The following ANTXRL variants were observed in gnomAD, a reference collection of about 807,000 sequenced individuals.
The protein encoded by ANTXRL is ANTXR like.
A neutral mutation model predicts 75.4 loss-of-function variants in ANTXRL; 63 were observed. That is an observed-to-expected ratio of 0.84 (90% CI 0.68 to 1.03). The LOEUF (loss-of-function observed/expected upper bound fraction) is 1.03. Ranked by LOEUF, ANTXRL falls within the 50% of genes least tolerant of loss-of-function variation. The probability of loss-of-function intolerance (pLI) is 0.00; values close to 1 mark genes in which losing one functional copy is unlikely to be tolerated. For synonymous variants in ANTXRL, 335 were observed against 291.3 expected, an observed-to-expected ratio of 1.15 and a Z score of -1.53; for missense variants, 797 against 789.4, an observed-to-expected ratio of 1.01 and a Z score of -0.12.
chr10:46,294,039 C>T (rs1191128101), intron 3 of ANTXRL, 139 bp downstream of exon 3: 11 of 710,768 alleles, frequency 1.5e-5, no homozygotes, highest in Non-Finnish European at 2.3e-5. Flanking sequence ...ACTCACAGTA[C>T]CCACCTGACC....
intron 2 of ANTXRL, chr10:46,292,685 T>G (rs1313782559): frequency 4.4e-5 from 7 of 159,216 alleles, no homozygotes; most frequent in African/African-American, 9.6e-5. Flanking sequence ...CCACAGGGGC[T>G]CATTATGCCA....
At chr10:46,311,300 G>C (rs1195513852) in intron 14 of ANTXRL, among the ~76,000 whole-genome samples, 2 of 152,122 alleles carry the variant, frequency 1.3e-5, no homozygotes, top group African/African-American at 4.8e-5. Flanking sequence ...AGCCACGGGA[G>C]AACCAAGGGG....
intron 16 of ANTXRL, among the ~76,000 whole-genome samples, chr10:46,327,190 T>A (rs1428046065): frequency 6.6e-6 from 1 of 152,084 alleles, no homozygotes; most frequent in African/African-American, 2.4e-5. Flanking sequence ...GCTCTTCTAG[T>A]AGCTGGGCTG....
intron 12 of ANTXRL, among the ~76,000 whole-genome samples, chr10:46,307,976 G>C (rs571275818): frequency 6.6e-6 from 1 of 152,106 alleles, no homozygotes; most frequent in Non-Finnish European, 1.5e-5. Context: ...TCAGGCACTC[G>C]GACCCGAGCT....
intron 1 of ANTXRL, among the ~76,000 whole-genome samples, chr10:46,289,338 C>T (rs1288224579): frequency 6.6e-5 from 10 of 152,080 alleles, no homozygotes; most frequent in African/African-American, 2.2e-4. Context: ...AAAAATTTAC[C>T]ATTTTTAAGT....
intron 16 of ANTXRL, among the ~76,000 whole-genome samples, chr10:46,327,476 T>C (rs1177871179): frequency 2.0e-5 from 3 of 151,960 alleles, no homozygotes; most frequent in African/African-American, 4.8e-5. Context: ...GACAGGCAGC[T>C]GCAGACACAG....
chr10:46,315,629 T>C (rs2860590), intron 16 of ANTXRL, among the ~76,000 whole-genome samples: 1,954 of 151,918 alleles, frequency 0.013, 9 homozygotes, highest in Non-Finnish European at 0.014. Context: ...TTCCAAACTC[T>C]TCTTCCTGAC....
intron 16 of ANTXRL, among the ~76,000 whole-genome samples, chr10:46,316,420 A>G (rs139226437): frequency 5.4e-4 from 82 of 152,280 alleles, no homozygotes; most frequent in South Asian, 3.5e-3. Flanking sequence ...CCAGGGTCAC[A>G]CAGCCAGGAA....
intron 16 of ANTXRL, among the ~76,000 whole-genome samples, chr10:46,324,353 T>G (rs1839113929): frequency 6.6e-6 from 1 of 152,210 alleles, no homozygotes; most frequent in South Asian, 2.1e-4. Flanking sequence ...AGAGGTCTAT[T>G]ACCATGAACC....
intron 3 of ANTXRL, 116 bp from the exon 4 acceptor site, chr10:46,295,903 C>A: frequency 1.2e-6 from 1 of 839,382 alleles, no homozygotes; most frequent in Non-Finnish European, 1.9e-6. Context: ...CTTGCCTGGG[C>A]CCCTCCTTCA....
Position 46,309,305 on chromosome 10 carries a change from T to C in ANTXRL, c.1134+103T>C, listed in dbSNP as rs1334969134. The C allele has an allele frequency of 5.3e-6, 8 of 1,517,038 alleles. 1 individual carries two copies. Among genetic ancestry groups the C allele is most frequent in the Non-Finnish European group, 7.0e-6 (8 of 1,135,284 alleles). The allele number at this position is 1,517,038 out of a possible 1,614,324, so 94.0% of individuals were successfully genotyped here. On this transcript the variant is annotated intron_variant, in intron 13 of 16. Transcript: ENST00000620264. ...CCCCGTGATCCCGCCTGTGGGAAGT[T>C]TCCCTCAGCTCCCAGCTCATCACGT...
chr10:46,328,326 A>G (rs1291980088), intron 16 of ANTXRL, among the ~76,000 whole-genome samples: 2 of 152,144 alleles, frequency 1.3e-5, no homozygotes, highest in East Asian at 3.8e-4. Flanking sequence ...AAAGATTGTT[A>G]TCTAATTGCC....
intron 16 of ANTXRL, 51 bp from the exon 17 acceptor site, chr10:46,329,548 C>A: frequency 6.6e-7 from 1 of 1,512,944 alleles, no homozygotes; most frequent in South Asian, 1.3e-5. Flanking sequence ...GCCTTCTGAG[C>A]CCAGTTCGAA....
chr10:46,297,374 A>G, intron 6 of ANTXRL, 32 bp from the exon 7 acceptor site: 1 of 1,536,058 alleles, frequency 6.5e-7, no homozygotes, highest in Non-Finnish European at 8.7e-7. Context: ...ATGTATTTTG[A>G]TGACCAATAT....
rs554361544 is a variant in ANTXRL at position 46,329,825 on chromosome 10, G to T, written c.1637G>T (p.Arg546Leu). Residue 546 changes from arginine to leucine, a missense_variant, in exon 17 of 17, where the codon CGC (arginine) becomes CTC (leucine). Around this residue, in one of 3 missense-constraint regions of ANTXRL, gnomAD observed 479 missense variants for 422.0 expected, o/e 1.14. Coordinates refer to ENST00000620264, the MANE Select transcript of ANTXRL (RefSeq NM_001278688.3). ...CAACACAGCAGGGAGTGCCTTGCCC[G>T]CAAACAGGCTCCCTGCAGCCCAAGG... ...HSQHSRECLA[R>L]KQAPCSPRIC... 2.6e-6 allele frequency: 4 copies of T among 1,531,750 alleles called. No individual in the cohort carries two copies. Among genetic ancestry groups the T allele is most frequent in the African/African-American group, 2.8e-5 (2 of 71,896 alleles). The allele number at this position is 1,531,750 out of a possible 1,614,324, so 94.9% of individuals were successfully genotyped here.
In ANTXRL at chr10:46,313,735, C is replaced by G. The variant is rs1291002243; in HGVS notation, c.1410+419C>G. ...TAATGTACGCAGTCCTCCCATGGGC[C>G]ATTTGTTAGGCTAAGCCATGCTTTC... is the stretch of plus-strand genomic sequence containing the variant. On this transcript the variant is annotated intron_variant, in intron 16 of 16. Transcript: ENST00000620264. 1.3e-5 allele frequency among the ~76,000 whole-genome samples: 2 copies of G among 152,124 alleles called. 1 individual carries two copies. The highest frequency in any genetic ancestry group is 2.9e-5 in the Non-Finnish European group (2 of 68,036).
intron 2 of ANTXRL, chr10:46,293,004 G>A (rs1401201703): frequency 1.3e-5 from 2 of 152,622 alleles, no homozygotes; most frequent in South Asian, 2.1e-4. Flanking sequence ...GAGAGGAGAG[G>A]GAGGAGGGAA....
chr10:46,327,114 T>A (rs1262900708), intron 16 of ANTXRL, among the ~76,000 whole-genome samples: 10 of 151,964 alleles, frequency 6.6e-5, no homozygotes, highest in Non-Finnish European at 1.2e-4. Context: ...GGCTTGGGCG[T>A]GCAACATGGA....
intron 16 of ANTXRL, among the ~76,000 whole-genome samples, chr10:46,326,862 ACT>A (rs1443418866): frequency 6.6e-6 from 1 of 151,612 alleles, no homozygotes; most frequent in Non-Finnish European, 1.5e-5. Flanking sequence ...AAGCCCATAG[ACT>A]CTCTGGTCGC....
Sources: allele counts gnomAD v4.1 joint callset (sites outside exome capture counted in the v4.1 genomes callset), GRCh38; gene constraint gnomAD v4.1.1; regional missense constraint gnomAD v4.1.1; transcripts MANE v1.5; gene names NCBI Gene and HGNC (gene_info 2026-07-23, HGNC 2026-07-21).